The following WDR41 variants were observed in gnomAD, a reference collection of about 807,000 sequenced individuals.
WDR41 encodes the protein WD repeat-containing protein 41.
In WDR41, 63 loss-of-function variants were observed where a neutral mutation model predicts 69.3. That is an observed-to-expected ratio of 0.91 (90% CI 0.74 to 1.12). The LOEUF (loss-of-function observed/expected upper bound fraction) is 1.12, where lower values mean the gene tolerates loss of function less well. WDR41 is among the 50% of genes most tolerant of loss of function. The pLI is 0.00. For synonymous variants in WDR41, 185 were observed against 192.1 expected, an observed-to-expected ratio of 0.96 and a Z score of 0.31; for missense variants, 543 against 534.5, an observed-to-expected ratio of 1.02 and a Z score of -0.16.
intron 1 of WDR41, among the ~76,000 whole-genome samples, chr5:77,601,445 A>G (rs753898459): frequency 6.6e-6 from 1 of 152,212 alleles, no homozygotes; most frequent in Non-Finnish European, 1.5e-5. Flanking sequence ...AAGAGTTACA[A>G]GGATGTCAGT....
At chr5:77,502,998 C>G (rs879262465) in intron 1 of WDR41, among the ~76,000 whole-genome samples, 1 of 152,062 alleles carries the variant, frequency 6.6e-6, no homozygotes, top group Non-Finnish European at 1.5e-5. Context: ...AATGATGGAT[C>G]ATATTCACAC....
intron 12 of WDR41, among the ~76,000 whole-genome samples, chr5:77,434,700 GAA>G (rs202142187): frequency 1.3e-5 from 2 of 150,176 alleles, no homozygotes; most frequent in Admixed American, 1.3e-4. Context: ...CTGTCTCAAA[GAA>G]AAAAAAAGAA....
At chr5:77,502,328 G>C (rs1471404710) in intron 1 of WDR41, among the ~76,000 whole-genome samples, 1 of 151,922 alleles carries the variant, frequency 6.6e-6, no homozygotes, top group Non-Finnish European at 1.5e-5. Context: ...AGAAAAAAAA[G>C]TAAAAAGAAA....
intron 1 of WDR41, among the ~76,000 whole-genome samples, chr5:77,501,146 C>A (rs898917496): frequency 7.2e-5 from 11 of 152,252 alleles, no homozygotes; most frequent in African/African-American, 2.7e-4. Context: ...ACAGACTGTA[C>A]CTGGAAAAAC....
intron 4 of WDR41, among the ~76,000 whole-genome samples, chr5:77,461,767 G>C (rs1800076547): frequency 6.6e-6 from 1 of 152,068 alleles, no homozygotes. Context: ...GAACCTGGGA[G>C]GTGGAGGCTG....
intron 1 of WDR41, among the ~76,000 whole-genome samples, chr5:77,550,513 C>G (rs1743277462): frequency 6.6e-6 from 1 of 152,166 alleles, no homozygotes; most frequent in African/African-American, 2.4e-5. Context: ...CAGAGAAATG[C>G]AAATCAAATC....
At chr5:77,587,061 C>T (rs973637420) in intron 1 of WDR41, among the ~76,000 whole-genome samples, 2 of 26,056 alleles carry the variant, frequency 7.7e-5, no homozygotes, top group Non-Finnish European at 1.2e-4. Flanking sequence ...AAACCACCAC[C>T]CAGATCAAGA....
chr5:77,437,280 T>C, intron 11 of WDR41, 56 bp downstream of exon 11: 2 of 1,445,238 alleles, frequency 1.4e-6, no homozygotes, highest in Non-Finnish European at 1.9e-6. Flanking sequence ...TTCTCCTGCC[T>C]TTCACGTGAG....
At position 77,571,281 on chromosome 5, in the gene WDR41, T is replaced by C. The variant is rs944793053; in HGVS notation, c.42+49198A>G. Among the ~76,000 whole-genome samples the C allele has an allele frequency of 3.7e-4, 56 of 152,180 alleles. 1 individual carries two copies. The highest frequency in any genetic ancestry group is 3.4e-3 in the Admixed American group (52 of 15,264). The stretch of plus-strand genomic sequence containing the variant: ...AAAATATTGGGTCATTTTTAATACA[T>C]AATACCCAAATATTCCATCAGCAAG... On this transcript the variant is annotated intron_variant, in intron 1 of 5. Transcript: ENST00000509971.
chr5:77,439,167 C>G (rs189413024), intron 9 of WDR41, among the ~76,000 whole-genome samples: 4 of 152,178 alleles, frequency 2.6e-5, no homozygotes, highest in Non-Finnish European at 4.4e-5. Flanking sequence ...TTTGCAAGCA[C>G]CTGTCCTAGA....
At chr5:77,498,718 C>A (rs1383882963) in intron 1 of WDR41, among the ~76,000 whole-genome samples, 1 of 150,986 alleles carries the variant, frequency 6.6e-6, no homozygotes, top group East Asian at 2.0e-4. Context: ...ACTCAGGAGG[C>A]TGAGGCAAGA....
chr5:77,560,477 T>C (rs1743502179), intron 1 of WDR41, among the ~76,000 whole-genome samples: 1 of 152,160 alleles, frequency 6.6e-6, no homozygotes, highest in South Asian at 2.1e-4. Flanking sequence ...TAGTAATACA[T>C]TGATTAAAAT....
At chr5:77,499,687 C>T (rs937658354) in intron 1 of WDR41, 14 of 152,056 alleles carry the variant, frequency 9.2e-5, no homozygotes, top group African/African-American at 3.4e-4. Context: ...ACAGAAAGTA[C>T]CAGAGAGATA....
rs899841200 is a variant in WDR41 at position 77,470,361 on chromosome 5, C to A, written c.168-5552G>T. Among the ~76,000 whole-genome samples, 26 of 152,124 alleles carry A rather than the reference C, an allele frequency of 1.7e-4. 1 individual carries two copies. The highest frequency in any genetic ancestry group is 4.4e-5 in the Non-Finnish European group (3 of 68,024). ...AAAGACCATCGAGGCTAGGAAGAAA[C>A]TGCATCAACTAACAAGCAAAATAAC... is the stretch of plus-strand genomic sequence containing the variant. On this transcript the variant is annotated intron_variant, in intron 2 of 12. Transcript: ENST00000296679.
At chr5:77,520,404 A>T (rs957396197) in intron 1 of WDR41, among the ~76,000 whole-genome samples, 6 of 152,184 alleles carry the variant, frequency 3.9e-5, no homozygotes, top group Admixed American at 1.3e-4. Context: ...GGATGTAAGT[A>T]CGGTTAGTTT....
chr5:77,550,863 G>T (rs1211362172), intron 1 of WDR41, among the ~76,000 whole-genome samples: 1 of 152,124 alleles, frequency 6.6e-6, no homozygotes, highest in Non-Finnish European at 1.5e-5. Flanking sequence ...CCTGCATAAA[G>T]AAAATATAGT....
At chr5:77,582,557 A>G in intron 1 of WDR41, 1 of 1,599,620 alleles carries the variant, frequency 6.3e-7, no homozygotes, top group Non-Finnish European at 8.5e-7. Flanking sequence ...CACAAGGAAT[A>G]TAGGCAAATG....
intron 8 of WDR41, among the ~76,000 whole-genome samples, chr5:77,442,193 T>G (rs557038306): frequency 1.3e-5 from 2 of 152,178 alleles, no homozygotes; most frequent in Non-Finnish European, 2.9e-5. Flanking sequence ...TCTAGGAATT[T>G]ATCCTGAAGG....
intron 1 of WDR41, among the ~76,000 whole-genome samples, chr5:77,600,929 A>ATGTGTGTG (rs71608111): frequency 0.21 from 30,641 of 144,032 alleles, 3,515 homozygotes; most frequent in Non-Finnish European, 0.27. Context: ...CTCTGTGTGT[A>ATGTGTGTG]TGTGTGTGTG....
Sources: allele counts gnomAD v4.1 joint callset (sites outside exome capture counted in the v4.1 genomes callset), GRCh38; gene constraint gnomAD v4.1.1; transcripts MANE v1.5; gene names NCBI Gene and HGNC (gene_info 2026-07-23, HGNC 2026-07-21).